Variants in L3MBTL4 observed in about 807,000 individuals in gnomAD.
L3MBTL4 encodes L3MBTL histone methyl-lysine binding protein 4.
A neutral mutation model predicts 84.5 loss-of-function variants in L3MBTL4; 70 were observed. That is an observed-to-expected ratio of 0.83 (90% CI 0.68 to 1.01). The LOEUF (loss-of-function observed/expected upper bound fraction) is 1.01, where lower values mean the gene tolerates loss of function less well. Among genes scored for constraint, L3MBTL4 ranks in the 50% least tolerant of loss-of-function variants. L3MBTL4 has a pLI of 0.00. For missense variants in L3MBTL4, 715 were observed against 754.8 expected, an observed-to-expected ratio of 0.95 and a Z score of 0.62; for synonymous variants, 274 against 259.8, an observed-to-expected ratio of 1.05 and a Z score of -0.52.
chr18:6,344,251 T>A (rs28811653), intron 1 of L3MBTL4, among the ~76,000 whole-genome samples: 3,216 of 152,206 alleles, frequency 0.021, 121 homozygotes, highest in African/African-American at 0.073. Context: ...TAAGCGATCA[T>A]AACACTACTA....
At position 6,184,694 on chromosome 18, in the gene L3MBTL4, A is replaced by G. The variant is rs562057829; in HGVS notation, c.982-12752T>C. 3.6e-3 allele frequency among the ~76,000 whole-genome samples: 545 copies of G among 152,334 alleles called. 1 individual carries two copies. Among genetic ancestry groups the G allele is most frequent in the African/African-American group, 0.012 (517 of 41,572 alleles). The stretch of plus-strand genomic sequence containing the variant: ...GTGGGTAAACAAGGATTTTGATCTA[A>G]CTACAATTATGATCCAGCCATATTG... On this transcript the variant is annotated intron_variant, in intron 12 of 18. Coordinates refer to ENST00000317931, the MANE Select transcript of L3MBTL4 (RefSeq NM_001330559.2).
chr18:6,234,270 T>G (rs894633605), intron 10 of L3MBTL4, among the ~76,000 whole-genome samples: 2 of 152,044 alleles, frequency 1.3e-5, no homozygotes, highest in African/African-American at 4.8e-5. Flanking sequence ...GGACTTCATG[T>G]CTAAAACACC....
chr18:6,223,774 C>T (rs936372961), intron 10 of L3MBTL4, among the ~76,000 whole-genome samples: 3 of 152,158 alleles, frequency 2.0e-5, no homozygotes, highest in Non-Finnish European at 4.4e-5. Flanking sequence ...CATGTACAAC[C>T]ATCAGCTTCT....
At chr18:6,287,211 A>T (rs2049633773) in intron 4 of L3MBTL4, among the ~76,000 whole-genome samples, 1 of 152,224 alleles carries the variant, frequency 6.6e-6, no homozygotes, top group Non-Finnish European at 1.5e-5. Context: ...TCCAGCTGAT[A>T]GCATGCTTAA....
chr18:5,955,613 G>C lies in L3MBTL4; in HGVS notation c.*607C>G, dbSNP rs2095222665. 1 of 152,236 alleles carries C rather than the reference G, an allele frequency of 6.6e-6. No individual in the cohort carries two copies. Among genetic ancestry groups the C allele is most frequent in the Non-Finnish European group, 1.5e-5 (1 of 68,048 alleles). 9.4% of individuals were successfully genotyped at this position (152,236 alleles called of 1,614,324 possible). A position where few individuals can be genotyped will look rare whatever the true frequency, so the allele number is the denominator to read the frequency against. On this transcript the variant is annotated 3_prime_UTR_variant, in exon 19 of 19. Coordinates refer to ENST00000317931, the MANE Select transcript of L3MBTL4 (RefSeq NM_001330559.2). ...CAGGAAAGCTTGGGAGCACAACCAA[G>C]AAATGGTTAATGGAACAAAAAGGAG...
chr18:6,412,593 G>A lies in L3MBTL4; in HGVS notation c.-91+2208C>T, dbSNP rs143316106. On this transcript the variant is annotated intron_variant, in intron 1 of 18. Transcript: ENST00000317931. ...GGAAGAACTCGAGGGCTTTCCATCA[G>A]CAAATCTTCCTTCAGAGTCAGCCTG... 2.0e-3 allele frequency among the ~76,000 whole-genome samples: 300 copies of A among 152,148 alleles called. 1 individual carries two copies. Among genetic ancestry groups the A allele is most frequent in the Non-Finnish European group, 3.2e-3 (221 of 68,000 alleles).
At chr18:6,048,350 C>G (rs1432979343) in intron 16 of L3MBTL4, among the ~76,000 whole-genome samples, 1 of 152,114 alleles carries the variant, frequency 6.6e-6, no homozygotes, top group Non-Finnish European at 1.5e-5. Flanking sequence ...ATCAAACTAC[C>G]AATGTTATTT....
chr18:5,982,561 C>G (rs780909526), intron 16 of L3MBTL4, among the ~76,000 whole-genome samples: 1 of 152,164 alleles, frequency 6.6e-6, no homozygotes, highest in Non-Finnish European at 1.5e-5. Flanking sequence ...TTCATAAAGA[C>G]TCCCAGAGGT....
intron 12 of L3MBTL4, among the ~76,000 whole-genome samples, chr18:6,174,859 T>C (rs1356721287): frequency 7.3e-6 from 1 of 137,006 alleles, no homozygotes; most frequent in Non-Finnish European, 1.5e-5. Flanking sequence ...AGAGCGAAAC[T>C]CTGTCAAAAA....
chr18:6,241,445 A>G lies in L3MBTL4; in HGVS notation c.465T>C (p.Tyr155=). 6.4e-7 allele frequency: 1 copy of G among 1,562,346 alleles called. No individual in the cohort carries two copies. Among genetic ancestry groups the G allele is most frequent in the Middle Eastern group, 1.7e-4 (1 of 5,898 alleles). Residue 155 remains tyrosine (Y), a synonymous_variant, in exon 8 of 19, where the codon TAT becomes TAC. Coordinates refer to ENST00000317931, the MANE Select transcript of L3MBTL4 (RefSeq NM_001330559.2). ...CCATCCAAACAAATTTATCTTTTCT[A>G]TAACCTAAAAAAAGCACAGATTACT... ...TKHELHIPKG[Y]RKDKFVWMDY...
At chr18:6,036,135 G>T in intron 16 of L3MBTL4, among the ~76,000 whole-genome samples, 1 of 152,178 alleles carries the variant, frequency 6.6e-6, no homozygotes. Context: ...TCTGTCTTTT[G>T]AAAGTACGAT....
At chr18:5,959,585 G>A (rs1201363266) in intron 18 of L3MBTL4, among the ~76,000 whole-genome samples, 2 of 152,180 alleles carry the variant, frequency 1.3e-5, no homozygotes, top group African/African-American at 4.8e-5. Flanking sequence ...TGCTCTGGAA[G>A]CAAATGCAGG....
At chr18:6,049,498 G>T (rs1308865262) in intron 16 of L3MBTL4, among the ~76,000 whole-genome samples, 2 of 152,132 alleles carry the variant, frequency 1.3e-5, no homozygotes, top group Non-Finnish European at 2.9e-5. Flanking sequence ...ATTGGATAAA[G>T]AATATCTGGT....
chr18:6,265,410 G>A (rs1599401610), intron 4 of L3MBTL4, among the ~76,000 whole-genome samples: 1 of 152,158 alleles, frequency 6.6e-6, no homozygotes, highest in East Asian at 1.9e-4. Context: ...TACTAAGAGA[G>A]TAGTTAAGCA....
At chr18:6,116,479 T>C (rs553418709) in intron 14 of L3MBTL4, among the ~76,000 whole-genome samples, 1 of 151,838 alleles carries the variant, frequency 6.6e-6, no homozygotes, top group South Asian at 2.1e-4. Flanking sequence ...TGCTCCTGCT[T>C]CAGCCTCCCA....
chr18:6,160,712 C>T (rs73381978), intron 13 of L3MBTL4, among the ~76,000 whole-genome samples: 7,197 of 131,756 alleles, frequency 0.055, 626 homozygotes, highest in African/African-American at 0.2. Flanking sequence ...GCTTGGGTGA[C>T]GAGAATAAAG....
chr18:6,068,219 C>T (rs377706248), intron 16 of L3MBTL4, among the ~76,000 whole-genome samples: 1 of 152,064 alleles, frequency 6.6e-6, no homozygotes, highest in Non-Finnish European at 1.5e-5. Context: ...ATGGTGTACA[C>T]CTTTTTATTT....
intron 14 of L3MBTL4, among the ~76,000 whole-genome samples, chr18:6,104,283 A>G (rs771729381): frequency 6.6e-6 from 1 of 152,082 alleles, no homozygotes; most frequent in Non-Finnish European, 1.5e-5. Context: ...ACCTGCATTC[A>G]TTGCAGAATT....
chr18:6,372,228 C>T (rs557684187), intron 1 of L3MBTL4, among the ~76,000 whole-genome samples: 1 of 152,358 alleles, frequency 6.6e-6, no homozygotes, highest in African/African-American at 2.4e-5. Context: ...AGATGTGCAA[C>T]TCTGCTATGA....
Sources: allele counts gnomAD v4.1 joint callset (sites outside exome capture counted in the v4.1 genomes callset), GRCh38; gene constraint gnomAD v4.1.1; transcripts MANE v1.5; gene names NCBI Gene and HGNC (gene_info 2026-07-23, HGNC 2026-07-21).